Variants in N4BP2L1 observed in about 807,000 individuals in gnomAD.
The protein encoded by N4BP2L1 is NEDD4-binding protein 2-like 1.
Under a neutral mutation model 21.2 loss-of-function variants are expected in N4BP2L1, and 12 were observed. The ratio of observed to expected loss-of-function variants is 0.57; its 90% confidence interval spans 0.36 to 0.92. The LOEUF is 0.92. N4BP2L1 is among the 40% of genes least tolerant of loss of function. N4BP2L1 has a pLI of 0.01. For missense variants in N4BP2L1, 259 were observed against 310.6 expected, an observed-to-expected ratio of 0.83 and a Z score of 1.25; for synonymous variants, 104 against 112.8, an observed-to-expected ratio of 0.92 and a Z score of 0.49.
intron 1 of N4BP2L1, among the ~76,000 whole-genome samples, chr13:32,423,367 C>A (rs1409775188): frequency 2.0e-5 from 3 of 152,144 alleles, no homozygotes; most frequent in African/African-American, 2.4e-5. Flanking sequence ...CCAAAAGGAA[C>A]CAGAACATTG....
intron 1 of N4BP2L1, among the ~76,000 whole-genome samples, chr13:32,417,345 T>C (rs1190641243): frequency 6.6e-6 from 1 of 152,164 alleles, no homozygotes; most frequent in African/African-American, 2.4e-5. Context: ...GCTGTTCTCA[T>C]GATAGTGGGT....
At chr13:32,421,532 T>G (rs1483857974) in intron 1 of N4BP2L1, among the ~76,000 whole-genome samples, 1 of 152,168 alleles carries the variant, frequency 6.6e-6, no homozygotes, top group East Asian at 1.9e-4. Context: ...CCTGAGTCTC[T>G]CAAATGTGTG....
intron 1 of N4BP2L1, among the ~76,000 whole-genome samples, chr13:32,423,580 G>C (rs1178189852): frequency 6.6e-6 from 1 of 152,160 alleles, no homozygotes; most frequent in African/African-American, 2.4e-5. Flanking sequence ...GCCCATACAA[G>C]GTAATATTTT....
chr13:32,402,723 G>C lies in N4BP2L1; in HGVS notation c.*219C>G, dbSNP rs1386413012. 7.5e-7 allele frequency: 1 copy of C among 1,331,544 alleles called. No homozygotes were observed. The highest frequency in any genetic ancestry group is 9.6e-7 in the Non-Finnish European group (1 of 1,044,604). The allele number at this position is 1,331,544 out of a possible 1,614,324, so 82.5% of individuals were successfully genotyped here. A position where few individuals can be genotyped will look rare whatever the true frequency, so the allele number is the denominator to read the frequency against. On this transcript the variant is annotated 3_prime_UTR_variant, in exon 5 of 5. Coordinates refer to ENST00000380130, the MANE Select transcript of N4BP2L1 (RefSeq NM_052818.3). ...AATTCTTACCCTAGAGAAAGAGACT[G>C]TTTACTCAAATCTGCAGAATTCCCA...
chr13:32,403,151 G>A lies in N4BP2L1; in HGVS notation c.523C>T (p.Arg175Trp). ...SREKIHRMKERYEHDVTFHSV... is the reference protein window; with the variant it reads ...SREKIHRMKEWYEHDVTFHSV... ...TGAAAAGTAACATCGTGTTCATACC[G>A]TTCTTTCATTCGGTGGATTTTTTCT... The change falls in exon 5 of 5, where the codon CGG (arginine) becomes TGG (tryptophan). Residue 175 changes from arginine to tryptophan, a missense_variant. Physicochemically the swap from Arg to Trp is moderately radical, Grantham distance 101. Around this residue, in one of 3 missense-constraint regions of N4BP2L1, gnomAD observed 108 missense variants for 107.8 expected, o/e 1.00. Coordinates refer to ENST00000380130, the MANE Select transcript of N4BP2L1 (RefSeq NM_052818.3). The A allele has an allele frequency of 2.5e-6, 4 of 1,610,196 alleles. No individual in the cohort carries two copies. Among genetic ancestry groups the A allele is most frequent in the South Asian group, 1.1e-5 (1 of 90,196 alleles).
intron 1 of N4BP2L1, among the ~76,000 whole-genome samples, chr13:32,420,125 C>T (rs1268062420): frequency 6.6e-6 from 1 of 152,240 alleles, no homozygotes; most frequent in African/African-American, 2.4e-5. Context: ...GTCTGCCCTA[C>T]TTCTCTTACC....
At chr13:32,419,720 A>G (rs1039218976) in intron 1 of N4BP2L1, among the ~76,000 whole-genome samples, 27 of 152,162 alleles carry the variant, frequency 1.8e-4, no homozygotes, top group African/African-American at 5.8e-4. Flanking sequence ...CTGTGAGTCA[A>G]TTAAACCTCT....
At chr13:32,414,522 A>T (rs569087011) in intron 1 of N4BP2L1, among the ~76,000 whole-genome samples, 34 of 151,912 alleles carry the variant, frequency 2.2e-4, no homozygotes, top group Non-Finnish European at 3.5e-4. Context: ...ATTGCTTTTT[A>T]ATTTTGTTTG....
intron 1 of N4BP2L1, chr13:32,425,220 G>A (rs1007218763): frequency 6.6e-6 from 1 of 152,134 alleles, no homozygotes; most frequent in African/African-American, 2.4e-5. Flanking sequence ...TCCCAAAAAA[G>A]TGGGGAAGGC....
chr13:32,404,520 A>G (rs567237618), intron 3 of N4BP2L1, 123 bp from the exon 4 acceptor site: 1 of 669,296 alleles, frequency 1.5e-6, no homozygotes, highest in South Asian at 1.9e-5. Context: ...CAGTAATCCA[A>G]TGCCTTAATT....
In N4BP2L1 at chr13:32,402,881, A is replaced by G. The variant is rs1490788036; in HGVS notation, c.*61T>C. The stretch of plus-strand genomic sequence containing the variant: ...AGCTCTGACTAAAATGCAACAAAAA[A>G]TAACAAAAACTGAAGTAGAAACTGA... On this transcript the variant is annotated 3_prime_UTR_variant, in exon 5 of 5. Coordinates refer to ENST00000380130, the MANE Select transcript of N4BP2L1 (RefSeq NM_052818.3). The G allele has an allele frequency of 6.6e-7, 1 of 1,508,672 alleles. No homozygotes were observed. The highest frequency in any genetic ancestry group is 8.9e-7 in the Non-Finnish European group (1 of 1,129,046). 93.5% of individuals were successfully genotyped at this position (1,508,672 alleles called of 1,614,324 possible). A position where few individuals can be genotyped will look rare whatever the true frequency, so the allele number is the denominator to read the frequency against.
intron 1 of N4BP2L1, among the ~76,000 whole-genome samples, chr13:32,416,223 T>C (rs185185661): frequency 6.6e-6 from 1 of 152,372 alleles, no homozygotes; most frequent in Non-Finnish European, 1.5e-5. Context: ...CTAACCACTA[T>C]TCTAGAGGCT....
At chr13:32,411,249 T>G (rs534728903) in intron 1 of N4BP2L1, among the ~76,000 whole-genome samples, 1 of 152,058 alleles carries the variant, frequency 6.6e-6, no homozygotes, top group Admixed American at 6.6e-5. Flanking sequence ...GAGACACATC[T>G]GACTGTGGCC....
At chr13:32,427,312 G>C (rs1286427079) in intron 1 of N4BP2L1, among the ~76,000 whole-genome samples, 1 of 152,228 alleles carries the variant, frequency 6.6e-6, no homozygotes, top group Non-Finnish European at 1.5e-5. Context: ...TTTTCAAAGC[G>C]GGCTGCCAGC....
chr13:32,407,654 G>T lies in N4BP2L1; in HGVS notation c.298C>A (p.Gln100Lys). Residue 100 changes from glutamine to lysine, a missense_variant, in exon 2 of 5, where the codon CAA (glutamine) becomes AAA (lysine). Physicochemically the swap from Gln to Lys is moderately conservative, Grantham distance 53. Coordinates refer to ENST00000380130, the MANE Select transcript of N4BP2L1 (RefSeq NM_052818.3). ...GGAAGGAATTTGTCACCTCTTTTTT[G>T]GTTCCATTCATGAGCTTCCTCCAGG... ...DFLEEAHEWN[Q>K]KRARKAMRNG... 6.2e-7 allele frequency: 1 copy of T among 1,613,188 alleles called. No homozygotes were observed. Among genetic ancestry groups the T allele is most frequent in the South Asian group, 1.1e-5 (1 of 91,058 alleles).
chr13:32,414,422 A>T (rs1027311164), intron 1 of N4BP2L1, among the ~76,000 whole-genome samples: 1 of 152,132 alleles, frequency 6.6e-6, no homozygotes, highest in African/African-American at 2.4e-5. Flanking sequence ...TCTTTGGTGA[A>T]CTGCACTTTC....
chr13:32,426,960 C>CA, intron 1 of N4BP2L1, among the ~76,000 whole-genome samples: 1 of 152,304 alleles, frequency 6.6e-6, no homozygotes, highest in East Asian at 1.9e-4. Flanking sequence ...GAGGGCAAGC[C>CA]AGGCAGGAAG....
intron 3 of N4BP2L1, among the ~76,000 whole-genome samples, chr13:32,405,965 C>T (rs528338275): frequency 3.7e-5 from 5 of 134,200 alleles, no homozygotes; most frequent in East Asian, 2.4e-4. Context: ...TGCAGTGGCA[C>T]GATCTCAGCT....
intron 1 of N4BP2L1, among the ~76,000 whole-genome samples, chr13:32,413,310 G>T (rs954362828): frequency 1.3e-5 from 2 of 152,148 alleles, no homozygotes; most frequent in African/African-American, 4.8e-5. Flanking sequence ...TACTGCACTT[G>T]GTTATTATGT....
Sources: allele counts gnomAD v4.1 joint callset (sites outside exome capture counted in the v4.1 genomes callset), GRCh38; gene constraint gnomAD v4.1.1; regional missense constraint gnomAD v4.1.1; transcripts MANE v1.5; gene names NCBI Gene and HGNC (gene_info 2026-07-23, HGNC 2026-07-21).